Variants in TMEM132B observed in about 807,000 individuals in gnomAD.
The protein encoded by TMEM132B is transmembrane protein 132B.
Under a neutral mutation model 90.8 loss-of-function variants are expected in TMEM132B, and 18 were observed. The observed-to-expected ratio is 0.20, with a 90% confidence interval of 0.14 to 0.29. The LOEUF (loss-of-function observed/expected upper bound fraction) is 0.29, where lower values mean the gene tolerates loss of function less well. Ranked by LOEUF, TMEM132B falls within the 10% of genes least tolerant of loss-of-function variation. The pLI, the probability that TMEM132B is intolerant of heterozygous loss-of-function variation, is 1.00. For missense variants in TMEM132B, 1,096 were observed against 1,326.8 expected (o/e 0.83, Z 2.70); for synonymous variants, 504 against 523.3 (o/e 0.96, Z 0.50).
intron 5 of TMEM132B, among the ~76,000 whole-genome samples, chr12:125,629,602 C>T (rs1471046398): frequency 6.6e-6 from 1 of 152,054 alleles, no homozygotes; most frequent in Non-Finnish European, 1.5e-5. Context: ...AATTTGACTT[C>T]TTCCTTTCCA....
chr12:125,244,381 G>A (rs113658325), intron 1 of TMEM132B, among the ~76,000 whole-genome samples: 14 of 152,286 alleles, frequency 9.2e-5, no homozygotes, highest in African/African-American at 2.9e-4. Flanking sequence ...AGGCATGACC[G>A]CGCTATGGGG....
At chr12:125,344,572 A>G (rs1363594034) in intron 1 of TMEM132B, among the ~76,000 whole-genome samples, 3 of 152,150 alleles carry the variant, frequency 2.0e-5, no homozygotes, top group African/African-American at 4.8e-5. Context: ...GCTGCAGGGA[A>G]GAGACACAGG....
intron 4 of TMEM132B, among the ~76,000 whole-genome samples, chr12:125,543,808 G>A (rs1884020620): frequency 6.6e-6 from 1 of 152,154 alleles, no homozygotes; most frequent in Non-Finnish European, 1.5e-5. Context: ...TCAAAGGTTA[G>A]AACCAGAAAT....
chr12:125,561,379 G>A (rs1884527860), intron 4 of TMEM132B, among the ~76,000 whole-genome samples: 2 of 152,092 alleles, frequency 1.3e-5, no homozygotes, highest in Admixed American at 6.5e-5. Context: ...CAGGGGGTAG[G>A]GGGCTAGGGG....
At chr12:125,218,847 G>A (rs1873499383) in intron 1 of TMEM132B, among the ~76,000 whole-genome samples, 1 of 140,478 alleles carries the variant, frequency 7.1e-6, no homozygotes, top group South Asian at 2.4e-4. Context: ...ACTGGAAACA[G>A]GTGCCCAAAC....
chr12:125,242,039 C>T (rs1039313591), intron 1 of TMEM132B, among the ~76,000 whole-genome samples: 25 of 152,202 alleles, frequency 1.6e-4, no homozygotes, highest in Non-Finnish European at 1.0e-4. Context: ...AGAATAACAA[C>T]GAGTATTTTC....
intron 1 of TMEM132B, among the ~76,000 whole-genome samples, chr12:125,273,758 C>T (rs755200897): frequency 3.3e-5 from 5 of 152,104 alleles, no homozygotes; most frequent in Admixed American, 6.5e-5. Context: ...CTCTGTCTCC[C>T]GAGTTCAAGT....
rs1874205859 is a variant in TMEM132B, at chr12:125,246,306, T to A, written c.67+59440T>A. The stretch of plus-strand genomic sequence containing the variant: ...CCCCGCCTTCCCTGCCACAGGGAAC[T>A]CAAGCCGGTTTGGAGTTAGGGAGCA... On this transcript the variant is annotated intron_variant, in intron 1 of 8. Transcript: ENST00000682704. This position sits in a 1 kb window ranked among gnomAD's most constrained non-coding sequence, Gnocchi z 4.2. Among the ~76,000 whole-genome samples the A allele has an allele frequency of 6.6e-6, 1 of 152,210 alleles. No homozygotes were observed. The highest frequency in any genetic ancestry group is 2.1e-4 in the South Asian group (1 of 4,836).
chr12:125,203,318 CAA>C (rs1873108369), intron 1 of TMEM132B, among the ~76,000 whole-genome samples: 2 of 152,138 alleles, frequency 1.3e-5, no homozygotes, highest in Admixed American at 1.3e-4. Context: ...AGCTGAATGT[CAA>C]AGACAAAAAT....
At chr12:125,526,452 T>C (rs1486758074) in intron 4 of TMEM132B, among the ~76,000 whole-genome samples, 3 of 152,158 alleles carry the variant, frequency 2.0e-5, no homozygotes, top group Non-Finnish European at 2.9e-5. Flanking sequence ...ACACAGATGC[T>C]GGGGGAATGA....
intron 1 of TMEM132B, among the ~76,000 whole-genome samples, chr12:125,295,538 G>GAGACAGAGAC (rs1555237240): frequency 1.3e-5 from 2 of 148,942 alleles, no homozygotes; most frequent in African/African-American, 5.0e-5. Flanking sequence ...GAGAGAGAGA[G>GAGACAGAGAC]AGAGACAGAG....
chr12:125,563,428 G>A (rs553337037), intron 4 of TMEM132B, among the ~76,000 whole-genome samples: 1 of 152,178 alleles, frequency 6.6e-6, no homozygotes, highest in African/African-American at 2.4e-5. Context: ...CCAACACGGT[G>A]AAACCCTGTC....
rs113487478 is a variant in TMEM132B at position 125,537,672 on chromosome 12, C to T, written c.1293+18047C>T. Among the ~76,000 whole-genome samples the T allele has an allele frequency of 6.0e-3, 909 of 152,266 alleles. 2 individuals carry two copies. The highest frequency in any genetic ancestry group is 8.8e-3 in the Non-Finnish European group (597 of 68,020). On this transcript the variant is annotated intron_variant, in intron 4 of 8. Coordinates refer to ENST00000682704, the MANE Select transcript of TMEM132B (RefSeq NM_001366854.1). ...GAGTCAGCTTCTTCCTGGATGGGGA[C>T]GTCAGGTCCTGTTCTTGTCTTGGCC...
Position 125,186,897 on chromosome 12 carries a change from C to G in TMEM132B, c.67+31C>G, listed in dbSNP as rs1195757831. The G allele has an allele frequency of 6.6e-6, 1 of 152,190 alleles. No homozygotes were observed. Among genetic ancestry groups the G allele is most frequent in the African/African-American group, 2.4e-5 (1 of 41,442 alleles). The allele number at this position is 152,190 out of a possible 1,614,324, so 9.4% of individuals were successfully genotyped here. A position where few individuals can be genotyped will look rare whatever the true frequency, so the allele number is the denominator to read the frequency against. On this transcript the variant is annotated intron_variant, in intron 1 of 8. Coordinates refer to ENST00000682704, the MANE Select transcript of TMEM132B (RefSeq NM_001366854.1). This position sits in a 1 kb window ranked among gnomAD's most constrained non-coding sequence, Gnocchi z 6.3. ...GCGTCCCCGGACCCCATCCCCGACC[C>G]CGGCCGAGGCGCACAAAGTTGGGTG...
intron 2 of TMEM132B, among the ~76,000 whole-genome samples, chr12:125,393,623 G>A (rs1394047166): frequency 6.6e-6 from 1 of 152,108 alleles, no homozygotes; most frequent in African/African-American, 2.4e-5. Context: ...ACATCAGTCG[G>A]GGTTCAGGCA....
intron 5 of TMEM132B, among the ~76,000 whole-genome samples, chr12:125,613,219 T>TATATTATATATATATA (rs1173781570): frequency 7.8e-6 from 1 of 128,694 alleles, no homozygotes; most frequent in African/African-American, 2.9e-5. Flanking sequence ...ATACACCCAC[T>TATATTATATATATATA]ATATTATATA....
chr12:125,346,796 G>A (rs1337815800), intron 1 of TMEM132B, among the ~76,000 whole-genome samples: 5 of 152,214 alleles, frequency 3.3e-5, no homozygotes, highest in Admixed American at 2.6e-4. Context: ...GGACTATATC[G>A]TGTGTTTAAA....
rs7959277 is a variant in TMEM132B at position 125,492,846 on chromosome 12, A to G, written c.1107-26593A>G. On this transcript the variant is annotated intron_variant, in intron 3 of 8. Coordinates refer to ENST00000682704, the MANE Select transcript of TMEM132B (RefSeq NM_001366854.1). This position sits in a 1 kb window ranked among gnomAD's most constrained non-coding sequence, Gnocchi z 5.8. ...TCCAGGGATAGACACAGCGCCAACC[A>G]AAGGCTCAGTTCCACCCTCAAGAGC... is the stretch of plus-strand genomic sequence containing the variant. Among the ~76,000 whole-genome samples, 74,608 of 152,048 alleles carry G rather than the reference A, an allele frequency of 0.49. 18,658 individuals are homozygous for G. The highest frequency in any genetic ancestry group is 0.62 in the Middle Eastern group (181 of 290).
chr12:125,639,860 T>C (rs1375848816), intron 5 of TMEM132B, among the ~76,000 whole-genome samples: 1 of 152,190 alleles, frequency 6.6e-6, no homozygotes, highest in Non-Finnish European at 1.5e-5. Context: ...TTATAATCCT[T>C]TTGGTGGCAA....
Sources: allele counts gnomAD v4.1 joint callset (sites outside exome capture counted in the v4.1 genomes callset), GRCh38; gene constraint gnomAD v4.1.1; non-coding constraint Gnocchi (gnomAD v3.1); transcripts MANE v1.5; gene names NCBI Gene and HGNC (gene_info 2026-07-23, HGNC 2026-07-21).